Variants in STPG2 observed in about 807,000 individuals in gnomAD.
STPG2 encodes sperm tail PG-rich repeat containing 2, also known as sperm-tail PG-rich repeat-containing protein 2.
STPG2 carries 56 observed loss-of-function variants against 54.2 expected under a neutral mutation model. That is an observed-to-expected ratio of 1.03 (90% confidence interval 0.83 to 1.29). The LOEUF (loss-of-function observed/expected upper bound fraction) is 1.29, where lower values mean the gene tolerates loss of function less well. Among genes scored for constraint, STPG2 ranks in the 50% most tolerant of loss-of-function variants. The pLI, the probability that STPG2 is intolerant of heterozygous loss-of-function variation, is 0.00. For missense variants in STPG2, 596 were observed against 544.9 expected (o/e 1.09, Z -0.93); for synonymous variants, 200 against 181.8 (o/e 1.10, Z -0.81).
intron 5 of STPG2, among the ~76,000 whole-genome samples, chr4:98,074,088 C>T (rs535253714): frequency 6.6e-6 from 1 of 152,268 alleles, no homozygotes; most frequent in Non-Finnish European, 1.5e-5. Flanking sequence ...ACAACTGACA[C>T]AAAAATAACT....
chr4:97,732,053 G>A (rs1301923100), intron 9 of STPG2, among the ~76,000 whole-genome samples: 5 of 152,130 alleles, frequency 3.3e-5, no homozygotes, highest in African/African-American at 9.7e-5. Flanking sequence ...AGATTAGATG[G>A]GCCCCAGTCC....
chr4:97,855,168 CT>C (rs1239289972), intron 8 of STPG2, among the ~76,000 whole-genome samples: 1 of 152,074 alleles, frequency 6.6e-6, no homozygotes, highest in African/African-American at 2.4e-5. Flanking sequence ...GGCATTTGGG[CT>C]GATTCCACGT....
At chr4:97,786,495 T>A (rs1014519331) in intron 9 of STPG2, among the ~76,000 whole-genome samples, 5 of 152,116 alleles carry the variant, frequency 3.3e-5, no homozygotes, top group African/African-American at 2.4e-5. Flanking sequence ...TCTCCCTTAG[T>A]GCAGTTTCAC....
chr4:97,528,812 G>T (rs1413509759), intron 4 of STPG2, among the ~76,000 whole-genome samples: 1 of 152,138 alleles, frequency 6.6e-6, no homozygotes, highest in East Asian at 1.9e-4. Flanking sequence ...TCTATTATTG[G>T]TGTATAGGAA....
intron 8 of STPG2, among the ~76,000 whole-genome samples, chr4:97,879,611 C>G (rs189122726): frequency 6.6e-6 from 1 of 152,194 alleles, no homozygotes; most frequent in African/African-American, 2.4e-5. Context: ...CTTACCAGGT[C>G]CCCCCTGCAA....
chr4:97,751,486 A>G (rs565836758), intron 9 of STPG2, among the ~76,000 whole-genome samples: 1 of 151,936 alleles, frequency 6.6e-6, no homozygotes, highest in African/African-American at 2.4e-5. Context: ...GAAATGAGGC[A>G]CTATTAATAG....
rs191529659 is a variant in STPG2 at position 97,798,148 on chromosome 4, G to A, written c.1204+42625C>T. The stretch of plus-strand genomic sequence containing the variant: ...CAAAAAACTAGCTCCTGGATTCATC[G>A]ATTTTTTGAAGGGATTTTTGTGTCT... On this transcript the variant is annotated intron_variant, in intron 9 of 10. Transcript: ENST00000295268. 2.4e-3 allele frequency among the ~76,000 whole-genome samples: 369 copies of A among 152,052 alleles called. 3 individuals carry two copies. Among genetic ancestry groups the A allele is most frequent in the African/African-American group, 7.9e-3 (327 of 41,472 alleles).
At chr4:98,027,467 C>G (rs1736461302) in intron 5 of STPG2, among the ~76,000 whole-genome samples, 1 of 152,114 alleles carries the variant, frequency 6.6e-6, no homozygotes, top group African/African-American at 2.4e-5. Context: ...TTCACATCAT[C>G]TGAAAAATAA....
intron 4 of STPG2, among the ~76,000 whole-genome samples, chr4:97,532,381 G>A (rs1436425816): frequency 6.6e-6 from 1 of 151,950 alleles, no homozygotes; most frequent in Non-Finnish European, 1.5e-5. Context: ...AATCAGCATT[G>A]TATTCCTTTT....
chr4:98,085,148 T>A lies in STPG2; in HGVS notation c.612+20805A>T, dbSNP rs1306060161. ...TTATGTTTTAAGGTTTGGTTTGGTT[T>A]GGTTTTCTTTGGATATCCAGTTGTT... On this transcript the variant is annotated intron_variant, in intron 5 of 10. Transcript: ENST00000295268. Among the ~76,000 whole-genome samples the A allele has an allele frequency of 2.0e-5, 3 of 152,088 alleles. No individual in the cohort carries two copies. In the East Asian group the frequency reaches 5.8e-4, roughly 29 times the overall value.
intron 10 of STPG2, among the ~76,000 whole-genome samples, chr4:97,605,332 T>C (rs1733567018): frequency 6.6e-6 from 1 of 151,820 alleles, no homozygotes; most frequent in Admixed American, 6.6e-5. Flanking sequence ...TACTTAGTAG[T>C]GCTGAAAGCA....
chr4:98,122,591 T>G (rs1029845125), intron 3 of STPG2, among the ~76,000 whole-genome samples: 2 of 152,196 alleles, frequency 1.3e-5, no homozygotes, highest in Non-Finnish European at 2.9e-5. Context: ...CCAGTATTTT[T>G]TGAGGATTTT....
chr4:98,109,687 C>T (rs1739290670), intron 3 of STPG2, among the ~76,000 whole-genome samples: 1 of 152,124 alleles, frequency 6.6e-6, no homozygotes, highest in African/African-American at 2.4e-5. Flanking sequence ...TTAAAAATTA[C>T]CTTAACTAAA....
At chr4:97,468,339 T>G (rs1729838213) in intron 4 of STPG2, among the ~76,000 whole-genome samples, 1 of 152,034 alleles carries the variant, frequency 6.6e-6, no homozygotes, top group African/African-American at 2.4e-5. Context: ...ATTTTTTAAT[T>G]AATCAAAAAT....
intron 5 of STPG2, among the ~76,000 whole-genome samples, chr4:98,093,747 G>A (rs1192718613): frequency 6.6e-6 from 1 of 152,164 alleles, no homozygotes; most frequent in Admixed American, 6.6e-5. Flanking sequence ...TTTTGGAGAG[G>A]CAAAGCACAG....
chr4:97,947,006 G>T, intron 7 of STPG2, among the ~76,000 whole-genome samples: 1 of 152,200 alleles, frequency 6.6e-6, no homozygotes, highest in South Asian at 2.1e-4. Context: ...TCATAATATT[G>T]ATTCTTGCAA....
chr4:97,475,127 C>T (rs1000662518), intron 4 of STPG2, among the ~76,000 whole-genome samples: 2 of 151,924 alleles, frequency 1.3e-5, no homozygotes, highest in Non-Finnish European at 2.9e-5. Flanking sequence ...AATAGAGCCT[C>T]ATATATAATT....
intron 8 of STPG2, among the ~76,000 whole-genome samples, chr4:97,929,674 T>C (rs1460810158): frequency 1.3e-5 from 2 of 152,220 alleles, no homozygotes; most frequent in African/African-American, 2.4e-5. Context: ...ATGTATGTCT[T>C]CCTTTGATAA....
chr4:98,034,704 CA>C (rs1217423206), intron 5 of STPG2, among the ~76,000 whole-genome samples: 1 of 152,162 alleles, frequency 6.6e-6, no homozygotes, highest in Non-Finnish European at 1.5e-5. Flanking sequence ...AACTATACTA[CA>C]AGCCTACAGT....
Sources: allele counts gnomAD v4.1 joint callset (sites outside exome capture counted in the v4.1 genomes callset), GRCh38; gene constraint gnomAD v4.1.1; transcripts MANE v1.5; gene names NCBI Gene and HGNC (gene_info 2026-07-23, HGNC 2026-07-21).